The following RINT1 variants were observed in gnomAD, a reference collection of about 807,000 sequenced individuals.
RINT1 encodes RAD50-interacting protein 1.
A neutral mutation model predicts 97.7 loss-of-function variants in RINT1; 75 were observed. The ratio of observed to expected loss-of-function variants is 0.77; its 90% confidence interval spans 0.64 to 0.93. The LOEUF is 0.93. RINT1 is among the 40% of genes least tolerant of loss of function. The pLI is 0.00. For synonymous variants in RINT1, 303 were observed against 326.3 expected (o/e 0.93, Z 0.77); for missense variants, 892 against 925.2 (o/e 0.96, Z 0.47).
Position 105,546,781 on chromosome 7 carries a change from C to T in RINT1, c.516-129C>T, listed in dbSNP as rs537442228. On this transcript the variant is annotated intron_variant, in intron 4 of 14. Transcript: ENST00000257700. ...ATCCCAGCTACTGTGGAGGCTGAGG[C>T]GGGAGAATCACTTGAACCTGGGACA... The T allele has an allele frequency of 7.6e-4, 476 of 630,456 alleles. 1 individual carries two copies. Among genetic ancestry groups the T allele is most frequent in the Middle Eastern group, 6.7e-3 (16 of 2,372 alleles). 39.1% of individuals were successfully genotyped at this position (630,456 alleles called of 1,614,324 possible).
chr7:105,545,373 G>T (rs1160504149), intron 4 of RINT1, among the ~76,000 whole-genome samples: 1 of 150,782 alleles, frequency 6.6e-6, no homozygotes, highest in African/African-American at 2.4e-5. Context: ...GATCGCTTGA[G>T]CCCCGAGAGG....
intron 2 of RINT1, among the ~76,000 whole-genome samples, chr7:105,534,821 A>G (rs1790162436): frequency 6.6e-6 from 1 of 152,154 alleles, no homozygotes; most frequent in Admixed American, 6.6e-5. Flanking sequence ...TTCTCACAGC[A>G]TGTGAAAAAT....
At chr7:105,552,454 G>A (rs1790968388) in intron 10 of RINT1, among the ~76,000 whole-genome samples, 2 of 152,006 alleles carry the variant, frequency 1.3e-5, no homozygotes, top group African/African-American at 4.8e-5. Flanking sequence ...GGATTCTCTG[G>A]CTGGAGGGTA....
intron 4 of RINT1, among the ~76,000 whole-genome samples, chr7:105,545,532 T>TATATA (rs1562845933): frequency 8.8e-6 from 1 of 113,742 alleles, no homozygotes; most frequent in African/African-American, 3.0e-5. Flanking sequence ...ATATATATAT[T>TATATA]TTTTTTTTTT....
At position 105,567,289 on chromosome 7, in the gene RINT1, AT is replaced by A. The variant is rs763845178; in HGVS notation, c.2359del (p.Trp787GlyfsTer35). ...DVEILLNLRTNWPNTGK is the reference protein window; with the variant it reads ...DVEILLNLRTXWPNTGK ...GAGATTCTACTTAATTTGAGGACAAATTGGCCTAATACTGGAAAATAATGTC... is the reference window on the plus strand; with the variant it reads ...GAGATTCTACTTAATTTGAGGACAAATGGCCTAATACTGGAAAATAATGTC... On this transcript the variant is annotated frameshift_variant, in exon 15 of 15. Coordinates refer to ENST00000257700, the MANE Select transcript of RINT1 (RefSeq NM_021930.6). LOFTEE classifies it high-confidence loss of function. 6 of 1,605,988 alleles carry A rather than the reference AT, an allele frequency of 3.7e-6. No individual in the cohort carries two copies. The highest frequency in any genetic ancestry group is 2.5e-6 in the Non-Finnish European group (3 of 1,177,278).
chr7:105,533,006 T>C, intron 2 of RINT1, 137 bp downstream of exon 2: 1 of 757,232 alleles, frequency 1.3e-6, no homozygotes, highest in South Asian at 1.5e-5. Flanking sequence ...ATGGTAATAC[T>C]GATGACCATG....
rs753119000 is a variant in RINT1 at position 105,532,306 on chromosome 7, C to T, written c.-10C>T. ...CTGCGAATGGAGCCGAGGACTCGCG[C>T]GGAGGCGAGATGCTACCAGCCGGCG... On this transcript the variant is annotated 5_prime_UTR_variant, in exon 1 of 15. Coordinates refer to ENST00000257700, the MANE Select transcript of RINT1 (RefSeq NM_021930.6). 2 of 1,580,778 alleles carry T rather than the reference C, an allele frequency of 1.3e-6. No individual in the cohort carries two copies. The highest frequency in any genetic ancestry group is 1.2e-5 in the South Asian group (1 of 86,808).
intron 10 of RINT1, among the ~76,000 whole-genome samples, chr7:105,552,501 A>G (rs1027985015): frequency 6.6e-6 from 1 of 152,074 alleles, no homozygotes; most frequent in Non-Finnish European, 1.5e-5. Context: ...TCTTTAGCCA[A>G]TCACGTTGCC....
chr7:105,554,608 T>A (rs150548407), intron 10 of RINT1, among the ~76,000 whole-genome samples: 2 of 151,956 alleles, frequency 1.3e-5, no homozygotes, highest in African/African-American at 4.8e-5. Flanking sequence ...CCCGGCTAAT[T>A]TTTGTAGTTT....
At chr7:105,563,696 AAAG>A in intron 11 of RINT1, 34 bp from the exon 12 acceptor site, 1 of 1,513,724 alleles carries the variant, frequency 6.6e-7, no homozygotes. Context: ...TGTTAAAAAA[AAAG>A]TATGCTAATG....
At chr7:105,548,362 G>A (rs1318936807) in intron 6 of RINT1, among the ~76,000 whole-genome samples, 192 bp from the exon 7 acceptor site, 1 of 151,994 alleles carries the variant, frequency 6.6e-6, no homozygotes, top group Non-Finnish European at 1.5e-5. Context: ...TTAACTGAAT[G>A]TATATTCAAT....
rs750613179 is a variant in RINT1, at chr7:105,532,820, C to G, written c.43-4C>G. On this transcript the variant is annotated splice_region_variant and splice_polypyrimidine_tract_variant and intron_variant, in intron 1 of 14. Coordinates refer to ENST00000257700, the MANE Select transcript of RINT1 (RefSeq NM_021930.6). Reference sequence around the variant, plus strand: ...TGTGCTTGTCACATCTGTTCTTCTTCTAGTGCTGCTCTGAAAGTGGTGACG... The same window carrying G: ...TGTGCTTGTCACATCTGTTCTTCTTGTAGTGCTGCTCTGAAAGTGGTGACG... The G allele has an allele frequency of 2.5e-6, 4 of 1,613,984 alleles. No individual in the cohort carries two copies. The South Asian group carries it at 4.4e-5, about 18-fold the overall frequency.
intron 11 of RINT1, among the ~76,000 whole-genome samples, chr7:105,563,343 A>T (rs1381545888): frequency 1.3e-5 from 2 of 152,120 alleles, no homozygotes; most frequent in Non-Finnish European, 2.9e-5. Flanking sequence ...CTGAATATAT[A>T]AAAAAATCAT....
intron 2 of RINT1, among the ~76,000 whole-genome samples, chr7:105,535,354 C>T (rs1328359933): frequency 6.6e-6 from 1 of 150,770 alleles, no homozygotes; most frequent in Non-Finnish European, 1.5e-5. Flanking sequence ...CTCAGCCTCC[C>T]GAGTAGCTGG....
intron 14 of RINT1, 140 bp from the exon 15 acceptor site, chr7:105,566,979 C>A (rs965509041): frequency 4.3e-6 from 2 of 468,742 alleles, no homozygotes; most frequent in Non-Finnish European, 7.2e-6. Context: ...TTAAAAGAAC[C>A]AAATAATAAA....
At chr7:105,562,914 C>CA (rs980967903) in intron 11 of RINT1, among the ~76,000 whole-genome samples, 1 of 151,872 alleles carries the variant, frequency 6.6e-6, no homozygotes, top group African/African-American at 2.4e-5. Flanking sequence ...AAACAAAAAA[C>CA]AAAAAAACAA....
In RINT1 at chr7:105,536,675, G is replaced by T; in HGVS notation, c.199G>T (p.Asp67Tyr). 6.2e-7 allele frequency: 1 copy of T among 1,613,006 alleles called. No individual in the cohort carries two copies. Among genetic ancestry groups the T allele is most frequent in the Non-Finnish European group, 8.5e-7 (1 of 1,179,458 alleles). Residue 67 changes from aspartate to tyrosine, a missense_variant, in exon 3 of 15, where the codon GAC becomes TAC. By Grantham distance (160) the Asp-to-Tyr change is radical. Coordinates refer to ENST00000257700, the MANE Select transcript of RINT1 (RefSeq NM_021930.6). ...SAFIEKEVGNDLKSLKKLDKL... is the reference protein window; with the variant it reads ...SAFIEKEVGNYLKSLKKLDKL... ...ATTCATAGAAAAGGAAGTTGGAAAT[G>T]ACCTTAAATCTTTAAAGAAACTTGA...
chr7:105,559,223 C>T (rs2392748), intron 11 of RINT1, among the ~76,000 whole-genome samples: 3,805 of 151,932 alleles, frequency 0.025, 148 homozygotes, highest in African/African-American at 0.087. Flanking sequence ...GGTGGAATCC[C>T]GTCTTTACTA....
chr7:105,543,946 A>T lies in RINT1; in HGVS notation c.515+1297A>T, dbSNP rs186997528. ...TCTACTAAAAATACAAAAAAAAAAAAGAAATTAGCCAGGCATGGTGGCGCG... is the reference window on the plus strand; with the variant it reads ...TCTACTAAAAATACAAAAAAAAAAATGAAATTAGCCAGGCATGGTGGCGCG... On this transcript the variant is annotated intron_variant, in intron 4 of 14. Transcript: ENST00000257700. Among the ~76,000 whole-genome samples the T allele has an allele frequency of 9.5e-3, 1,439 of 151,540 alleles. 16 individuals are homozygous for T. The highest frequency in any genetic ancestry group is 0.033 in the African/African-American group (1,384 of 41,382).
Sources: allele counts gnomAD v4.1 joint callset (sites outside exome capture counted in the v4.1 genomes callset), GRCh38; gene constraint gnomAD v4.1.1; transcripts MANE v1.5; gene names NCBI Gene and HGNC (gene_info 2026-07-23, HGNC 2026-07-21).